Variants in KLF2 observed in about 807,000 individuals in gnomAD.
The protein encoded by KLF2 is Krueppel-like factor 2.
A neutral mutation model predicts 22.2 loss-of-function variants in KLF2; 9 were observed. The observed-to-expected ratio is 0.40, with a 90% CI of 0.24 to 0.71. The LOEUF (loss-of-function observed/expected upper bound fraction) is 0.71, where lower values mean the gene tolerates loss of function less well. Among genes scored for constraint, KLF2 ranks in the 30% least tolerant of loss-of-function variants. KLF2 has a pLI of 0.35. For missense variants in KLF2, 481 were observed against 542.1 expected (o/e 0.89, Z 1.12); for synonymous variants, 299 against 264.2 (o/e 1.13, Z -1.28).
rs1280445119 is a variant in KLF2, at chr19:16,324,944, C to T, written c.21C>T (p.Ile7=). 8.1e-6 allele frequency: 13 copies of T among 1,602,846 alleles called. No individual in the cohort carries two copies. The highest frequency in any genetic ancestry group is 1.7e-5 in the Admixed American group (1 of 59,514). MALSEP[I]LPSFSTFASP... is the part of the protein sequence containing the mutation. ...CGGCCATGGCGCTGAGTGAACCCAT[C>T]CTGCCGTCCTTCTCCACTTTCGCCA... The change falls in exon 1 of 3, where the codon ATC becomes ATT. Residue 7 remains isoleucine (I), a synonymous_variant. Transcript: ENST00000248071.
In KLF2 at chr19:16,325,892, A is replaced by G; in HGVS notation, c.752A>G (p.Glu251Gly). The G allele has an allele frequency of 6.7e-7, 1 of 1,493,058 alleles. No homozygotes were observed. The highest frequency in any genetic ancestry group is 8.9e-7 in the Non-Finnish European group (1 of 1,127,244). 92.5% of individuals were successfully genotyped at this position (1,493,058 alleles called of 1,614,324 possible). The change falls in exon 2 of 3, where the codon GAG (glutamate) becomes GGG (glycine). Residue 251 changes from glutamate (E) to glycine (G), a missense_variant. Around this residue, in one of 2 missense-constraint regions of KLF2, gnomAD observed 421 missense variants for 435.1 expected, o/e 0.97. Transcript: ENST00000248071. ...CTCACGCCGCCTGCGTCCCCGCTGGAGCTGCTGGAGGCCAAGCCAAAGCGC... is the reference window on the plus strand; with the variant it reads ...CTCACGCCGCCTGCGTCCCCGCTGGGGCTGCTGGAGGCCAAGCCAAAGCGC... ...GLLTPPASPL[E>G]LLEAKPKRGR...
chr19:16,325,162 C>G, intron 1 of KLF2, 54 bp from the exon 2 acceptor site: 2 of 1,386,720 alleles, frequency 1.4e-6, no homozygotes, highest in South Asian at 1.4e-5. Context: ...AAAAGGCAAG[C>G]AGCGCCCCCC....
chr19:16,326,339 G>A (rs1041011921), intron 2 of KLF2, among the ~76,000 whole-genome samples: 3 of 151,930 alleles, frequency 2.0e-5, no homozygotes, highest in African/African-American at 4.8e-5. Context: ...GGCGTGGCTA[G>A]GGAGACAGTC....
At position 16,326,923 on chromosome 19, in the gene KLF2, G is replaced by C; in HGVS notation, c.960G>C (p.Thr320=). 6.2e-7 allele frequency: 1 copy of C among 1,613,354 alleles called. No homozygotes were observed. The highest frequency in any genetic ancestry group is 8.5e-7 in the Non-Finnish European group (1 of 1,179,990). The change falls in exon 3 of 3, where the codon ACG becomes ACC. Residue 320 remains threonine, a synonymous_variant. Coordinates refer to ENST00000248071, the MANE Select transcript of KLF2 (RefSeq NM_016270.4). ...GWKFARSDEL[T]RHYRKHTGHR... Reference sequence around the variant, plus strand: ...AGTTTGCGCGCTCAGACGAGCTCACGCGCCACTACCGAAAGCACACGGGCC... The same window carrying C: ...AGTTTGCGCGCTCAGACGAGCTCACCCGCCACTACCGAAAGCACACGGGCC...
intron 1 of KLF2, 55 bp from the exon 2 acceptor site, chr19:16,325,161 G>A (rs1303663396): frequency 2.9e-6 from 4 of 1,385,864 alleles, no homozygotes; most frequent in African/African-American, 1.5e-5. Context: ...TAAAAGGCAA[G>A]CAGCGCCCCC....
rs1334002923 is a variant in KLF2, at chr19:16,327,872, G to A, written c.*841G>A. 6.6e-6 allele frequency: 1 copy of A among 151,620 alleles called. No homozygotes were observed. Among genetic ancestry groups the A allele is most frequent in the African/African-American group, 2.4e-5 (1 of 41,056 alleles). 9.4% of individuals were successfully genotyped at this position (151,620 alleles called of 1,614,324 possible). A position where few individuals can be genotyped will look rare whatever the true frequency, so the allele number is the denominator to read the frequency against. On this transcript the variant is annotated 3_prime_UTR_variant, in exon 3 of 3. Transcript: ENST00000248071. ...AAATAAAACTACTTACCTCTTCCTGGAAGCCTCTGAGGTTTTAGCCAAATT... is the reference window on the plus strand; with the variant it reads ...AAATAAAACTACTTACCTCTTCCTGAAAGCCTCTGAGGTTTTAGCCAAATT...
In KLF2 at chr19:16,325,516, C is replaced by T; in HGVS notation, c.376C>T (p.Pro126Ser). 7.7e-7 allele frequency: 1 copy of T among 1,290,974 alleles called. No individual in the cohort carries two copies. Among genetic ancestry groups the T allele is most frequent in the Non-Finnish European group, 9.8e-7 (1 of 1,022,948 alleles). 80.0% of individuals were successfully genotyped at this position (1,290,974 alleles called of 1,614,324 possible). A position where few individuals can be genotyped will look rare whatever the true frequency, so the allele number is the denominator to read the frequency against. ...PPGRLVKAEP[P>S]EADGGGGYGC... ...CGGCCGCCTGGTCAAGGCCGAGCCC[C>T]CTGAAGCGGACGGCGGCGGCGGCTA... The change falls in exon 2 of 3, where the codon CCT becomes TCT. Residue 126 changes from proline to serine, a missense_variant. By Grantham distance (74) the Pro-to-Ser change is moderately conservative. Transcript: ENST00000248071.
In KLF2 at chr19:16,325,992, C is replaced by T. The variant is rs768576757; in HGVS notation, c.852C>T (p.Thr284=). The T allele has an allele frequency of 2.6e-6, 4 of 1,554,670 alleles. No homozygotes were observed. Among genetic ancestry groups the T allele is most frequent in the Non-Finnish European group, 3.5e-6 (4 of 1,150,586 alleles). The stretch of plus-strand genomic sequence containing the variant: ...ACGCGGGCTGCGGCAAGACCTACAC[C>T]AAGAGTTCGCATCTGAAGGCGCATC... ...CSYAGCGKTY[T]KSSHLKAHLR... Residue 284 remains threonine (T), a synonymous_variant, in exon 2 of 3, where the codon ACC becomes ACT. Coordinates refer to ENST00000248071, the MANE Select transcript of KLF2 (RefSeq NM_016270.4).
Position 16,326,163 on chromosome 19 carries a change from G to T in KLF2, c.892+131G>T. The T allele has an allele frequency of 3.4e-6, 3 of 895,112 alleles. No individual in the cohort carries two copies. The South Asian group carries it at 5.3e-5, about 16-fold the overall frequency. 55.4% of individuals were successfully genotyped at this position (895,112 alleles called of 1,614,324 possible). On this transcript the variant is annotated intron_variant, in intron 2 of 2. Coordinates refer to ENST00000248071, the MANE Select transcript of KLF2 (RefSeq NM_016270.4). The stretch of plus-strand genomic sequence containing the variant: ...GGCTCAGGGGGATCTGGCAGGTGGT[G>T]CACGCTTAGGACTCCCCAGGAGGCG...
chr19:16,326,977 T>C lies in KLF2; in HGVS notation c.1014T>C (p.Asp338=), dbSNP rs775619127. 2.5e-5 allele frequency: 41 copies of C among 1,613,062 alleles called. No individual in the cohort carries two copies. Among genetic ancestry groups the C allele is most frequent in the Admixed American group, 3.3e-5 (2 of 59,914 alleles). Residue 338 remains aspartate, a synonymous_variant, in exon 3 of 3, where the codon GAT becomes GAC. Transcript: ENST00000248071. Reference sequence around the variant, plus strand: ...GGCCATTCCAGTGCCATCTGTGCGATCGTGCCTTCTCGCGCTCCGATCACC... The same window carrying C: ...GGCCATTCCAGTGCCATCTGTGCGACCGTGCCTTCTCGCGCTCCGATCACC... ...GHRPFQCHLC[D]RAFSRSDHLA...
rs1444490605 is a variant in KLF2, at chr19:16,327,207, T to G, written c.*176T>G. 1.8e-6 allele frequency: 1 copy of G among 569,904 alleles called. No homozygotes were observed. Among genetic ancestry groups the G allele is most frequent in the Non-Finnish European group, 3.0e-6 (1 of 331,556 alleles). 35.3% of individuals were successfully genotyped at this position (569,904 alleles called of 1,614,324 possible). ...GACGACGCCACCACCCCAGCCCCCG[T>G]CTGTGACTGAAGGCCCGGTGGGAAA... On this transcript the variant is annotated 3_prime_UTR_variant, in exon 3 of 3. Transcript: ENST00000248071.
Position 16,325,290 on chromosome 19 carries a change from C to T in KLF2, c.150C>T (p.Ser50=), listed in dbSNP as rs1467753017. 6.6e-7 allele frequency: 1 copy of T among 1,524,960 alleles called. No individual in the cohort carries two copies. Among genetic ancestry groups the T allele is most frequent in the Non-Finnish European group, 8.8e-7 (1 of 1,141,564 alleles). 94.5% of individuals were successfully genotyped at this position (1,524,960 alleles called of 1,614,324 possible). ...DLNSVLDFIL[S]MGLDGLGAEA... is the part of the protein sequence containing the mutation. ...ACAGCGTGCTGGACTTCATCCTGTC[C>T]ATGGGGCTGGATGGCCTGGGCGCCG... is the stretch of plus-strand genomic sequence containing the variant. Residue 50 remains serine (S), a synonymous_variant, in exon 2 of 3, where the codon TCC becomes TCT. Coordinates refer to ENST00000248071, the MANE Select transcript of KLF2 (RefSeq NM_016270.4).
chr19:16,325,027 C>T (rs1490476224), intron 1 of KLF2, 29 bp downstream of exon 1: 3 of 1,541,434 alleles, frequency 1.9e-6, no homozygotes, highest in African/African-American at 1.4e-5. Context: ...GCGGGGCGGC[C>T]GGGACCGTGG....
chr19:16,325,548 C>T lies in KLF2; in HGVS notation c.408C>T (p.Cys136=), dbSNP rs1210408022. The change falls in exon 2 of 3, where the codon TGC becomes TGT. Residue 136 remains cysteine (C), a synonymous_variant. Transcript: ENST00000248071. Reference sequence around the variant, plus strand: ...CGGACGGCGGCGGCGGCTACGGCTGCGCCCCCGGGCTGACCCGTGGACCGC... The same window carrying T: ...CGGACGGCGGCGGCGGCTACGGCTGTGCCCCCGGGCTGACCCGTGGACCGC... ...PEADGGGGYG[C]APGLTRGPRG... The T allele has an allele frequency of 1.2e-5, 15 of 1,240,728 alleles. No individual in the cohort carries two copies. The highest frequency in any genetic ancestry group is 1.4e-5 in the Non-Finnish European group (14 of 993,052). The allele number at this position is 1,240,728 out of a possible 1,614,324, so 76.9% of individuals were successfully genotyped here.
rs1002985008 is a variant in KLF2 at position 16,328,136 on chromosome 19, TTGTTAGCCTGCTC to T, written c.*1109_*1121del. The stretch of plus-strand genomic sequence containing the variant: ...GTAGCGGCAGGGTGGTGGAGTTGGG[TTGTTAGCCTGCTC>T]TGTCTGCCTCCAAGGGTCCCTGAAC... On this transcript the variant is annotated 3_prime_UTR_variant, in exon 3 of 3. Transcript: ENST00000248071. 2.0e-5 allele frequency among the ~76,000 whole-genome samples: 3 copies of T among 151,912 alleles called. No homozygotes were observed. Among genetic ancestry groups the T allele is most frequent in the Non-Finnish European group, 4.4e-5 (3 of 67,978 alleles).
At position 16,325,529 on chromosome 19, in the gene KLF2, G is replaced by C; in HGVS notation, c.389G>C (p.Gly130Ala). 1.6e-6 allele frequency: 2 copies of C among 1,254,152 alleles called. No individual in the cohort carries two copies. The highest frequency in any genetic ancestry group is 2.0e-6 in the Non-Finnish European group (2 of 1,001,156). 77.7% of individuals were successfully genotyped at this position (1,254,152 alleles called of 1,614,324 possible). A position where few individuals can be genotyped will look rare whatever the true frequency, so the allele number is the denominator to read the frequency against. The change falls in exon 2 of 3, where the codon GGC (glycine) becomes GCC (alanine). Residue 130 changes from glycine (G) to alanine (A), a missense_variant. Gly to Ala is a moderately conservative substitution (Grantham distance 60). Coordinates refer to ENST00000248071, the MANE Select transcript of KLF2 (RefSeq NM_016270.4). Reference protein sequence around the residue: ...LVKAEPPEADGGGGYGCAPGL... With the variant: ...LVKAEPPEADAGGGYGCAPGL... ...AAGGCCGAGCCCCCTGAAGCGGACG[G>C]CGGCGGCGGCTACGGCTGCGCCCCC...
Position 16,325,641 on chromosome 19 carries a change from C to CCCG in KLF2, c.510_512dup (p.Pro171dup), listed in dbSNP as rs1242995855. On this transcript the variant is annotated inframe_insertion, in exon 2 of 3. Transcript: ENST00000248071. ...GCATGCGAGGTCCCGGGGGCCGCCCCCCGCCGCCGCCCGACACACCGCCGC... is the reference window on the plus strand; with the variant it reads ...GCATGCGAGGTCCCGGGGGCCGCCCCCCGCCGCCGCCGCCCGACACACCGCCGC... 3.7e-6 allele frequency: 4 copies of CCCG among 1,067,798 alleles called. No homozygotes were observed. The highest frequency in any genetic ancestry group is 5.4e-5 in the Admixed American group (1 of 18,552). 66.1% of individuals were successfully genotyped at this position (1,067,798 alleles called of 1,614,324 possible). A position where few individuals can be genotyped will look rare whatever the true frequency, so the allele number is the denominator to read the frequency against.
Position 16,327,067 on chromosome 19 carries a change from C to T in KLF2, c.*36C>T, listed in dbSNP as rs2091892552. The T allele has an allele frequency of 1.3e-6, 2 of 1,510,918 alleles. No homozygotes were observed. The highest frequency in any genetic ancestry group is 1.4e-5 in the African/African-American group (1 of 72,064). The allele number at this position is 1,510,918 out of a possible 1,614,324, so 93.6% of individuals were successfully genotyped here. A position where few individuals can be genotyped will look rare whatever the true frequency, so the allele number is the denominator to read the frequency against. ...CCCGCCCACCTGCGCGCGGCCGTGG[C>T]GGGTCCCACGCGCCGGGCGCGGCCC... On this transcript the variant is annotated 3_prime_UTR_variant, in exon 3 of 3. Coordinates refer to ENST00000248071, the MANE Select transcript of KLF2 (RefSeq NM_016270.4).
In KLF2 at chr19:16,325,319, C is replaced by T; in HGVS notation, c.179C>T (p.Ala60Val). Residue 60 changes from alanine (A) to valine (V), a missense_variant, in exon 2 of 3, where the codon GCC (alanine) becomes GTC (valine). Ala to Val is a moderately conservative substitution (Grantham distance 64). Around this residue, in one of 2 missense-constraint regions of KLF2, gnomAD observed 421 missense variants for 435.1 expected, o/e 0.97. Transcript: ENST00000248071. ...SMGLDGLGAEAAPEPPPPPPP... is the reference protein window; with the variant it reads ...SMGLDGLGAEVAPEPPPPPPP... Reference sequence around the variant, plus strand: ...GGGCTGGATGGCCTGGGCGCCGAGGCCGCCCCGGAGCCGCCGCCGCCGCCC... The same window carrying T: ...GGGCTGGATGGCCTGGGCGCCGAGGTCGCCCCGGAGCCGCCGCCGCCGCCC... 6.7e-7 allele frequency: 1 copy of T among 1,488,060 alleles called. No individual in the cohort carries two copies. Among genetic ancestry groups the T allele is most frequent in the South Asian group, 1.3e-5 (1 of 78,612 alleles). 92.2% of individuals were successfully genotyped at this position (1,488,060 alleles called of 1,614,324 possible). A position where few individuals can be genotyped will look rare whatever the true frequency, so the allele number is the denominator to read the frequency against.
Sources: allele counts gnomAD v4.1 joint callset (sites outside exome capture counted in the v4.1 genomes callset), GRCh38; gene constraint gnomAD v4.1.1; regional missense constraint gnomAD v4.1.1; transcripts MANE v1.5; gene names NCBI Gene and HGNC (gene_info 2026-07-23, HGNC 2026-07-21).